The following PADI2 variants were observed in gnomAD, a reference collection of about 807,000 sequenced individuals.
The protein encoded by PADI2 is peptidyl arginine deiminase 2, also known as protein-arginine deiminase type-2.
PADI2 carries 70 observed loss-of-function variants against 81.1 expected under a neutral mutation model. That is an observed-to-expected ratio of 0.86 (90% CI 0.71 to 1.05). The LOEUF is 1.05. PADI2 is among the 50% of genes least tolerant of loss of function. The probability of loss-of-function intolerance (pLI) is 0.00; values close to 1 mark genes in which losing one functional copy is unlikely to be tolerated. For synonymous variants in PADI2, 338 were observed against 358.0 expected, an observed-to-expected ratio of 0.94 and a Z score of 0.63; for missense variants, 853 against 889.9, an observed-to-expected ratio of 0.96 and a Z score of 0.53.
At chr1:17,074,533 C>A (rs945350208) in intron 13 of PADI2, among the ~76,000 whole-genome samples, 6 of 152,210 alleles carry the variant, frequency 3.9e-5, no homozygotes, top group Non-Finnish European at 8.8e-5. Flanking sequence ...CCAGACCCAG[C>A]TGCATGTCAG....
At chr1:17,101,701 G>A (rs1377157830) in intron 3 of PADI2, among the ~76,000 whole-genome samples, 5 of 152,166 alleles carry the variant, frequency 3.3e-5, no homozygotes, top group African/African-American at 7.2e-5. Flanking sequence ...GGGCTAGAGA[G>A]GAAGGGGCTG....
At position 17,084,620 on chromosome 1, in the gene PADI2, G is replaced by T; in HGVS notation, c.917C>A (p.Pro306His). Residue 306 changes from proline (P) to histidine (H), a missense_variant, in exon 8 of 16, where the codon CCC becomes CAC. Pro to His is a moderately conservative substitution (Grantham distance 77). Transcript: ENST00000375486. ...TTACCAGCACACAAACACCGACACG[G>T]GAGGCAGGATGTTGGGGGTCATGAT... The part of the protein sequence containing the change: ...PWIMTPNILP[P>H]VSVFVCCMKD... 6.3e-7 allele frequency: 1 copy of T among 1,583,314 alleles called. No homozygotes were observed.
chr1:17,094,441 G>A (rs867266366), intron 4 of PADI2, among the ~76,000 whole-genome samples: 1 of 152,262 alleles, frequency 6.6e-6, no homozygotes, highest in Middle Eastern at 3.4e-3. Context: ...GTTACAGCAT[G>A]ACTGTCTCTT....
At chr1:17,108,946 A>G (rs1007637186) in intron 1 of PADI2, among the ~76,000 whole-genome samples, 1 of 152,196 alleles carries the variant, frequency 6.6e-6, no homozygotes, top group East Asian at 1.9e-4. Flanking sequence ...GCCCATCAAC[A>G]TGCTGGGTGG....
At chr1:17,072,681 T>C (rs742798) in intron 13 of PADI2, among the ~76,000 whole-genome samples, 91,392 of 152,074 alleles carry the variant, frequency 0.6, 27,873 homozygotes, top group Middle Eastern at 0.7. Context: ...GAACTGACAA[T>C]GACGATGCCT....
intron 9 of PADI2, chr1:17,083,117 C>T (rs2101583677): frequency 6.4e-6 from 1 of 157,144 alleles, no homozygotes; most frequent in South Asian, 1.9e-4. Context: ...AGGCAATCCT[C>T]CCACCTCAGC....
At chr1:17,095,993 A>G in intron 3 of PADI2, 23 bp from the exon 4 acceptor site, 1 of 1,592,916 alleles carries the variant, frequency 6.3e-7, no homozygotes, top group Non-Finnish European at 8.6e-7. Flanking sequence ...GACATGGGTG[A>G]GTTGCTGAGC....
At chr1:17,084,267 A>G (rs1185914869) in intron 8 of PADI2, among the ~76,000 whole-genome samples, 2 of 152,196 alleles carry the variant, frequency 1.3e-5, no homozygotes, top group African/African-American at 4.8e-5. Context: ...GTGGTCAATA[A>G]AAGTCTGTTT....
intron 3 of PADI2, among the ~76,000 whole-genome samples, chr1:17,102,754 G>C (rs574269845): frequency 6.6e-5 from 10 of 151,378 alleles, no homozygotes; most frequent in East Asian, 3.9e-4. Context: ...TGACACTTGG[G>C]GGGGGGTTGC....
chr1:17,097,591 C>T (rs191714767), intron 3 of PADI2, among the ~76,000 whole-genome samples: 250 of 152,312 alleles, frequency 1.6e-3, no homozygotes, highest in Non-Finnish European at 3.0e-3. Flanking sequence ...AGGCACAGCA[C>T]CTGCTCTCAA....
At chr1:17,104,115 T>C (rs1300746689) in intron 2 of PADI2, among the ~76,000 whole-genome samples, 2 of 124,726 alleles carry the variant, frequency 1.6e-5, no homozygotes, top group Non-Finnish European at 1.7e-5. Context: ...ACCCCATCTC[T>C]ACTAAAAATA....
chr1:17,119,012 G>C lies in PADI2; in HGVS notation c.92+268C>G, dbSNP rs1209067049. 6.6e-6 allele frequency among the ~76,000 whole-genome samples: 1 copy of C among 151,512 alleles called. No homozygotes were observed. The highest frequency in any genetic ancestry group is 6.6e-5 in the Admixed American group (1 of 15,258). Reference sequence around the variant, plus strand: ...AGAACTGGAGAGGGCCAGACGGAGGGTTACGGGTGAAAGGGAGGGTCTGTG... The same window carrying C: ...AGAACTGGAGAGGGCCAGACGGAGGCTTACGGGTGAAAGGGAGGGTCTGTG... On this transcript the variant is annotated intron_variant, in intron 1 of 15. Transcript: ENST00000375486. The surrounding 1 kb of genome is among the most constrained non-coding windows in gnomAD (Gnocchi z 4.8).
At chr1:17,069,863 G>A (rs1461501729) in intron 15 of PADI2, among the ~76,000 whole-genome samples, 1 of 152,218 alleles carries the variant, frequency 6.6e-6, no homozygotes, top group Non-Finnish European at 1.5e-5. Flanking sequence ...TATCTGTTAA[G>A]GAAAAGGGTT....
chr1:17,103,072 G>T lies in PADI2; in HGVS notation c.277-13C>A, dbSNP rs1417413446. ...AGTTGACGGTGACCTTGGTGGGGAG[G>T]GGGCACATTGGAGTAGAGAGAAAAG... On this transcript the variant is annotated splice_polypyrimidine_tract_variant and intron_variant, in intron 2 of 15. Coordinates refer to ENST00000375486, the MANE Select transcript of PADI2 (RefSeq NM_007365.3). 1 of 1,598,688 alleles carries T rather than the reference G, an allele frequency of 6.3e-7. No individual in the cohort carries two copies. Among genetic ancestry groups the T allele is most frequent in the East Asian group, 2.2e-5 (1 of 44,750 alleles).
chr1:17,092,509 A>T lies in PADI2; in HGVS notation c.554T>A (p.Ile185Asn). Residue 185 changes from isoleucine to asparagine, a missense_variant, in exon 6 of 16, where the codon ATC (isoleucine) becomes AAC (asparagine). Coordinates refer to ENST00000375486, the MANE Select transcript of PADI2 (RefSeq NM_007365.3). ...KEDLKDMSQMILRTKGPDRLP... is the reference protein window; with the variant it reads ...KEDLKDMSQMNLRTKGPDRLP... ...GCGGTCGGGGCCTTTGGTCCGCAGG[A>T]TCATCTGGGACATGTCCTTGAGATC... 1.2e-6 allele frequency: 2 copies of T among 1,604,864 alleles called. No homozygotes were observed. Among genetic ancestry groups the T allele is most frequent in the South Asian group, 2.2e-5 (2 of 90,150 alleles).
intron 7 of PADI2, among the ~76,000 whole-genome samples, chr1:17,086,312 C>G (rs1930413853): frequency 6.6e-6 from 1 of 152,216 alleles, no homozygotes; most frequent in South Asian, 2.1e-4. Context: ...GGAGCAGAAG[C>G]AGCAAGGAGA....
intron 13 of PADI2, 139 bp downstream of exon 13, chr1:17,074,717 C>G: frequency 3.4e-6 from 2 of 591,244 alleles, no homozygotes. Context: ...GGCGACCTCA[C>G]AAACCCCCGA....
chr1:17,090,009 A>G (rs1310427853), intron 6 of PADI2, among the ~76,000 whole-genome samples: 1 of 152,230 alleles, frequency 6.6e-6, no homozygotes, highest in African/African-American at 2.4e-5. Context: ...AAATAAGGAA[A>G]GTCCTGGGCA....
chr1:17,112,267 T>A (rs1353997641), intron 1 of PADI2, among the ~76,000 whole-genome samples: 2 of 151,980 alleles, frequency 1.3e-5, no homozygotes, highest in Admixed American at 1.3e-4. Context: ...TGCTTTGTGG[T>A]CTCTAGGAGC....
Sources: allele counts gnomAD v4.1 joint callset (sites outside exome capture counted in the v4.1 genomes callset), GRCh38; gene constraint gnomAD v4.1.1; non-coding constraint Gnocchi (gnomAD v3.1); transcripts MANE v1.5; gene names NCBI Gene and HGNC (gene_info 2026-07-23, HGNC 2026-07-21).